LIG1: variants seen among roughly 807,000 people sequenced by gnomAD.
The protein encoded by LIG1 is ligase I, DNA, ATP-dependent.
In LIG1, 70 loss-of-function variants were observed where a neutral mutation model predicts 115.7. That is an observed-to-expected ratio of 0.60 (90% confidence interval 0.50 to 0.74). The LOEUF (loss-of-function observed/expected upper bound fraction) is 0.74, where lower values mean the gene tolerates loss of function less well. Ranked by LOEUF, LIG1 falls within the 30% of genes least tolerant of loss-of-function variation. The pLI, the probability that LIG1 is intolerant of heterozygous loss-of-function variation, is 0.00. For synonymous variants in LIG1, 487 were observed against 495.3 expected (o/e 0.98, Z 0.22); for missense variants, 1,115 against 1,225.6 (o/e 0.91, Z 1.35).
intron 7 of LIG1, among the ~76,000 whole-genome samples, chr19:48,150,801 G>A (rs529163874): frequency 5.3e-4 from 81 of 152,070 alleles, no homozygotes; most frequent in African/African-American, 1.8e-3. Context: ...GGGCTCAAGC[G>A]ATCCTCCCAC....
chr19:48,165,567 G>C lies in LIG1; in HGVS notation c.-1C>G. The C allele has an allele frequency of 6.2e-7, 1 of 1,613,884 alleles. No homozygotes were observed. The highest frequency in any genetic ancestry group is 8.5e-7 in the Non-Finnish European group (1 of 1,179,790). ...GTGCTCACATGATACTTCGCTGCATGTTGGCGTCAGAATTCTCCCTTCCTG... is the reference window on the plus strand; with the variant it reads ...GTGCTCACATGATACTTCGCTGCATCTTGGCGTCAGAATTCTCCCTTCCTG... On this transcript the variant is annotated 5_prime_UTR_variant, in exon 2 of 28. Transcript: ENST00000263274.
At chr19:48,168,537 T>C (rs1425805349) in intron 1 of LIG1, among the ~76,000 whole-genome samples, 2 of 152,074 alleles carry the variant, frequency 1.3e-5, no homozygotes, top group South Asian at 2.1e-4. Flanking sequence ...CCCACTTCTG[T>C]GTATTTGGCC....
At chr19:48,128,091 G>C in intron 19 of LIG1, 71 bp from the exon 20 acceptor site, 5 of 1,201,186 alleles carry the variant, frequency 4.2e-6, no homozygotes, top group Non-Finnish European at 6.2e-6. Context: ...AACACGGGGA[G>C]ATAAATTCCC....
intron 24 of LIG1, among the ~76,000 whole-genome samples, chr19:48,119,755 C>A (rs924958434): frequency 1.3e-5 from 2 of 152,040 alleles, no homozygotes; most frequent in Admixed American, 6.6e-5. Flanking sequence ...GTTGCCCAGG[C>A]TGGTCCCGAA....
intron 4 of LIG1, among the ~76,000 whole-genome samples, chr19:48,159,187 C>T (rs2036029224): frequency 6.6e-6 from 1 of 152,004 alleles, no homozygotes; most frequent in Non-Finnish European, 1.5e-5. Flanking sequence ...AAGCAATTCT[C>T]CTGCCTCAGC....
At chr19:48,148,983 C>T (rs166683) in intron 9 of LIG1, among the ~76,000 whole-genome samples, 3,204 of 152,278 alleles carry the variant, frequency 0.021, 123 homozygotes, top group African/African-American at 0.071. Flanking sequence ...GCAGAGTAGA[C>T]GCGCCTGCAG....
chr19:48,157,250 C>A, intron 4 of LIG1, 110 bp from the exon 5 acceptor site: 2 of 1,269,158 alleles, frequency 1.6e-6, no homozygotes, highest in South Asian at 1.6e-5. Flanking sequence ...TCCTTTCTGA[C>A]CCTATGGTCT....
chr19:48,164,177 G>A (rs1247917401), intron 2 of LIG1, among the ~76,000 whole-genome samples: 1 of 151,988 alleles, frequency 6.6e-6, no homozygotes, highest in African/African-American at 2.4e-5. Flanking sequence ...AATTATTCCA[G>A]AATAAGAGGT....
chr19:48,116,447 CA>C (rs57648628), intron 26 of LIG1, among the ~76,000 whole-genome samples: 1,404 of 98,358 alleles, frequency 0.014, 18 homozygotes, highest in African/African-American at 0.046. Flanking sequence ...GACTCCAACT[CA>C]AAAAAAAAAA....
chr19:48,121,007 G>C, intron 24 of LIG1, 163 bp downstream of exon 24: 3 of 1,505,480 alleles, frequency 2.0e-6, no homozygotes, highest in Non-Finnish European at 2.7e-6. Context: ...TATGAAGCAA[G>C]AGTTGCTCAT....
At chr19:48,160,998 A>G (rs930251690) in intron 4 of LIG1, among the ~76,000 whole-genome samples, 5 of 152,052 alleles carry the variant, frequency 3.3e-5, no homozygotes, top group African/African-American at 7.2e-5. Context: ...TGGCCTCCCA[A>G]CGTGCTGGGA....
intron 2 of LIG1, among the ~76,000 whole-genome samples, chr19:48,163,263 C>T (rs753996908): frequency 6.6e-6 from 1 of 151,244 alleles, no homozygotes; most frequent in Non-Finnish European, 1.5e-5. Flanking sequence ...TCTTGTTGCC[C>T]AAGGGTGGAG....
intron 4 of LIG1, among the ~76,000 whole-genome samples, chr19:48,157,428 C>T (rs1363106776): frequency 6.6e-6 from 1 of 152,128 alleles, no homozygotes; most frequent in African/African-American, 2.4e-5. Flanking sequence ...CAGGCCTGCA[C>T]TACCATGCCT....
Position 48,121,190 on chromosome 19 carries a change from C to T in LIG1, c.2365G>A (p.Glu789Lys), listed in dbSNP as rs2033241300. ...AGGACCTTGCATATGGCCTGCAGCT[C>T]CTCACTGTCCTCGTCGTAGGAGGCC... ...LLASYDEDSE[E>K]LQAICKLGTG... Residue 789 changes from glutamate (E) to lysine (K), a missense_variant, in exon 24 of 28, where the codon GAG (glutamate) becomes AAG (lysine). Glu to Lys is a moderately conservative substitution (Grantham distance 56). Coordinates refer to ENST00000263274, the MANE Select transcript of LIG1 (RefSeq NM_000234.3). The T allele has an allele frequency of 1.9e-6, 3 of 1,614,018 alleles. No individual in the cohort carries two copies. Among genetic ancestry groups the T allele is most frequent in the Non-Finnish European group, 2.5e-6 (3 of 1,180,038 alleles).
chr19:48,160,802 A>G (rs1187000388), intron 4 of LIG1, among the ~76,000 whole-genome samples: 1 of 151,670 alleles, frequency 6.6e-6, no homozygotes, highest in Non-Finnish European at 1.5e-5. Flanking sequence ...GTACAATCAC[A>G]GTTCACTGCA....
intron 21 of LIG1, among the ~76,000 whole-genome samples, chr19:48,125,985 C>T (rs753231115): frequency 3.9e-4 from 25 of 63,872 alleles, no homozygotes; most frequent in Non-Finnish European, 6.2e-4. Context: ...GAGACTCCAT[C>T]TCAAAAAAAA....
At chr19:48,146,169 T>C (rs1308349910) in intron 9 of LIG1, 2 of 152,218 alleles carry the variant, frequency 1.3e-5, no homozygotes, top group Non-Finnish European at 2.9e-5. Flanking sequence ...GAGGCAGCCA[T>C]TGGAGACAGA....
chr19:48,140,057 C>T lies in LIG1; in HGVS notation c.1001G>A (p.Ser334Asn), dbSNP rs949815802. 1.2e-6 allele frequency: 2 copies of T among 1,613,934 alleles called. No homozygotes were observed. The highest frequency in any genetic ancestry group is 1.7e-6 in the Non-Finnish European group (2 of 1,180,046). Residue 334 changes from serine (S) to asparagine (N), a missense_variant, in exon 12 of 28, where the codon AGC (serine) becomes AAC (asparagine). Coordinates refer to ENST00000263274, the MANE Select transcript of LIG1 (RefSeq NM_000234.3). ...CTGGGGTGGCCCAAGGTGGTTGAGG[C>T]TGAGGTAGAGGACAGGGAGGAGGTC... is the stretch of plus-strand genomic sequence containing the variant. ...PPDLLPVLYL[S>N]LNHLGPPQQG... is the part of the protein sequence containing the mutation.
At position 48,115,912 on chromosome 19, in the gene LIG1, A is replaced by T; in HGVS notation, c.2637T>A (p.Arg879=). 1 of 1,614,018 alleles carries T rather than the reference A, an allele frequency of 6.2e-7. No homozygotes were observed. Among genetic ancestry groups the T allele is most frequent in the African/African-American group, 1.3e-5 (1 of 75,026 alleles). ...SLRFPRFIRV[R]EDKQPEQATT... is the part of the protein sequence containing the mutation. ...TGGCCTGCTCCGGCTGCTTGTCTTC[A>T]CGGACTCGAATAAACCGAGGGAAGC... Residue 879 remains arginine, a synonymous_variant, in exon 27 of 28, where the codon CGT becomes CGA. Coordinates refer to ENST00000263274, the MANE Select transcript of LIG1 (RefSeq NM_000234.3).
Sources: gnomAD v4.1 joint callset for allele counts (sites outside exome capture counted in the v4.1 genomes callset) on GRCh38, gnomAD v4.1.1 for gene constraint, MANE v1.5 for transcripts, NCBI Gene and HGNC (gene_info 2026-07-23, HGNC 2026-07-21) for gene names.